Variants in SLC16A9 observed in about 807,000 individuals in gnomAD.
SLC16A9 encodes the protein solute carrier family 16 member 9, also known as monocarboxylate transporter 9.
A neutral mutation model predicts 44.3 loss-of-function variants in SLC16A9; 26 were observed. The ratio of observed to expected loss-of-function variants is 0.59; its 90% CI spans 0.43 to 0.81. The LOEUF is 0.81. SLC16A9 is among the 40% of genes least tolerant of loss of function. The pLI is 0.00. For synonymous variants in SLC16A9, 230 were observed against 225.1 expected (o/e 1.02, Z -0.19); for missense variants, 559 against 595.8 (o/e 0.94, Z 0.64).
intron 2 of SLC16A9, among the ~76,000 whole-genome samples, chr10:59,674,762 C>T (rs1170920394): frequency 6.6e-6 from 1 of 152,192 alleles, no homozygotes; most frequent in Non-Finnish European, 1.5e-5. Context: ...TTATTCCTGG[C>T]ATACTTGAAA....
intron 1 of SLC16A9, among the ~76,000 whole-genome samples, chr10:59,698,980 T>C (rs1344391676): frequency 6.6e-6 from 1 of 152,132 alleles, no homozygotes; most frequent in African/African-American, 2.4e-5. Context: ...CTGACCTCAG[T>C]TGATCTGTCT....
At position 59,694,817 on chromosome 10, in the gene SLC16A9, T is replaced by TAC. The variant is rs1554874046; in HGVS notation, c.-36-10492_-36-10491dup. On this transcript the variant is annotated intron_variant, in intron 1 of 5. Transcript: ENST00000395348. Reference sequence around the variant, plus strand: ...TCCATCTCAAATATATATATATATATACACACACACACACACATATATATA... The same window carrying TAC: ...TCCATCTCAAATATATATATATATATACACACACACACACACACATATATATA... 1.4e-3 allele frequency among the ~76,000 whole-genome samples: 65 copies of TAC among 47,714 alleles called. 6 individuals carry two copies. The highest frequency in any genetic ancestry group is 4.2e-3 in the African/African-American group (52 of 12,424). 31.3% of individuals were successfully genotyped at this position (47,714 alleles called of 152,430 possible). A position where few individuals can be genotyped will look rare whatever the true frequency, so the allele number is the denominator to read the frequency against.
chr10:59,676,159 A>G (rs985957800), intron 2 of SLC16A9, among the ~76,000 whole-genome samples: 3 of 152,208 alleles, frequency 2.0e-5, no homozygotes, highest in African/African-American at 4.8e-5. Context: ...AAAATTTATA[A>G]TCACTTGGTG....
rs558387037 is a variant in SLC16A9 at position 59,673,453 on chromosome 10, T to A, written c.197-540A>T. Among the ~76,000 whole-genome samples, 80 of 152,284 alleles carry A rather than the reference T, an allele frequency of 5.3e-4. 2 individuals carry two copies. The highest frequency in any genetic ancestry group is 1.9e-3 in the African/African-American group (78 of 41,550). On this transcript the variant is annotated intron_variant, in intron 2 of 5. Coordinates refer to ENST00000395348, the MANE Select transcript of SLC16A9 (RefSeq NM_194298.3). ...GGACTGTACTCAGAAGTACAGAACT[T>A]AATGTACTAGAAATAAAAGGACGTT...
intron 2 of SLC16A9, among the ~76,000 whole-genome samples, chr10:59,682,312 TCTGCTGTCACTAAATTTGCA>T (rs1840042464): frequency 6.6e-6 from 1 of 152,188 alleles, no homozygotes; most frequent in Non-Finnish European, 1.5e-5. Context: ...CTAAATTTGC[TCTGCTGTCACTAAATTTGCA>T]CTGGGGCCTG....
Position 59,651,598 on chromosome 10 carries a change from T to C in SLC16A9, c.*1174A>G, listed in dbSNP as rs1463760836. On this transcript the variant is annotated 3_prime_UTR_variant, in exon 6 of 6. Coordinates refer to ENST00000395348, the MANE Select transcript of SLC16A9 (RefSeq NM_194298.3). The stretch of plus-strand genomic sequence containing the variant: ...AAGATCTATAGGGAATTCTGATGCA[T>C]ACCAAAGTTTAAAACCCATTTCTTT... The C allele has an allele frequency of 2.6e-5, 4 of 152,176 alleles. No individual in the cohort carries two copies. The highest frequency in any genetic ancestry group is 4.4e-5 in the Non-Finnish European group (3 of 68,036). 9.4% of individuals were successfully genotyped at this position (152,176 alleles called of 1,614,324 possible). A position where few individuals can be genotyped will look rare whatever the true frequency, so the allele number is the denominator to read the frequency against.
Position 59,652,839 on chromosome 10 carries a change from G to T in SLC16A9, c.1463C>A (p.Thr488Lys), listed in dbSNP as rs1839237430. Residue 488 changes from threonine (T) to lysine (K), a missense_variant, in exon 6 of 6, where the codon ACA becomes AAA. By Grantham distance (78) the Thr-to-Lys change is moderately conservative. Transcript: ENST00000395348. ...LLLAALPSWD[T>K]CNKQLPKPAP... ...TGGCTTGGGGAGTTGCTTGTTGCAT[G>T]TATCCCAAGAGGGCAAGGCTGCCAG... 1 of 1,613,850 alleles carries T rather than the reference G, an allele frequency of 6.2e-7. No individual in the cohort carries two copies. Among genetic ancestry groups the T allele is most frequent in the African/African-American group, 1.3e-5 (1 of 74,906 alleles).
intron 1 of SLC16A9, among the ~76,000 whole-genome samples, chr10:59,708,980 A>G (rs1840704544): frequency 6.6e-6 from 1 of 152,188 alleles, no homozygotes; most frequent in Non-Finnish European, 1.5e-5. Context: ...CGCTCCACGT[A>G]GGTCAGGAGT....
intron 4 of SLC16A9, 98 bp from the exon 5 acceptor site, chr10:59,654,687 T>A: frequency 1.1e-6 from 1 of 902,624 alleles, no homozygotes; most frequent in Non-Finnish European, 1.6e-6. Context: ...TACTGGCATT[T>A]ATATGTAACT....
At position 59,684,004 on chromosome 10, in the gene SLC16A9, G is replaced by T. The variant is rs899642994; in HGVS notation, c.196+92C>A. The stretch of plus-strand genomic sequence containing the variant: ...GAAAAGATATGTTATACTTTGAAAA[G>T]AAAGCCCTCTCTGCCTTGCACAATG... On this transcript the variant is annotated intron_variant, in intron 2 of 5. Transcript: ENST00000395348. 5.0e-6 allele frequency: 5 copies of T among 1,000,024 alleles called. No individual in the cohort carries two copies. In the East Asian group the frequency reaches 1.3e-4, roughly 25 times the overall value. The allele number at this position is 1,000,024 out of a possible 1,614,324, so 61.9% of individuals were successfully genotyped here.
At chr10:59,684,410 AG>A (rs1840088946) in intron 1 of SLC16A9, 83 bp from the exon 2 acceptor site, 7 of 615,206 alleles carry the variant, frequency 1.1e-5, no homozygotes, top group Non-Finnish European at 1.8e-5. Flanking sequence ...CTCCTCCTAA[AG>A]TGAAAAAAAA....
chr10:59,689,661 A>G lies in SLC16A9; in HGVS notation c.-36-5334T>C, dbSNP rs375359717. Among the ~76,000 whole-genome samples the G allele has an allele frequency of 6.6e-5, 10 of 152,318 alleles. No homozygotes were observed. In the East Asian group the frequency reaches 1.7e-3, roughly 27 times the overall value. On this transcript the variant is annotated intron_variant, in intron 1 of 5. Transcript: ENST00000395348. ...GTTTCTCCAACCTTCCACGTTTGTG[A>G]GCTAACCCAGTAAATTATTTTGTTA...
At chr10:59,667,151 A>AGTAT (rs1839638484) in intron 3 of SLC16A9, among the ~76,000 whole-genome samples, 1 of 152,260 alleles carries the variant, frequency 6.6e-6, no homozygotes, top group Non-Finnish European at 1.5e-5. Flanking sequence ...TTACTATAAC[A>AGTAT]GAGTATGAAA....
intron 4 of SLC16A9, among the ~76,000 whole-genome samples, chr10:59,659,876 T>C (rs1175945137): frequency 6.6e-6 from 1 of 152,154 alleles, no homozygotes; most frequent in Non-Finnish European, 1.5e-5. Flanking sequence ...ACATAGAAAC[T>C]GAACAACCTG....
chr10:59,693,393 G>A (rs1238027213), intron 1 of SLC16A9, among the ~76,000 whole-genome samples: 1 of 151,610 alleles, frequency 6.6e-6, no homozygotes, highest in Non-Finnish European at 1.5e-5. Context: ...CTCTTCTAAA[G>A]TCAAAAAAAT....
chr10:59,697,746 A>T (rs189995626), intron 1 of SLC16A9, among the ~76,000 whole-genome samples: 1,669 of 150,502 alleles, frequency 0.011, 56 homozygotes, highest in African/African-American at 0.037. Flanking sequence ...AATAAAATAA[A>T]AAATAAATAA....
At chr10:59,693,299 C>T (rs1370063555) in intron 1 of SLC16A9, among the ~76,000 whole-genome samples, 1 of 152,182 alleles carries the variant, frequency 6.6e-6, no homozygotes, top group African/African-American at 2.4e-5. Flanking sequence ...CATGTTAACA[C>T]TAACGTAAGT....
intron 4 of SLC16A9, 39 bp downstream of exon 4, chr10:59,664,188 C>T: frequency 1.4e-6 from 2 of 1,431,898 alleles, no homozygotes; most frequent in Non-Finnish European, 1.9e-6. Context: ...GTTTAGAAGA[C>T]TGAATGGTGA....
rs756579646 is a variant in SLC16A9 at position 59,654,006 on chromosome 10, CTCT to C, written c.1017_1019del (p.Glu340del). 2.0e-5 allele frequency: 33 copies of C among 1,613,770 alleles called. No individual in the cohort carries two copies. The highest frequency in any genetic ancestry group is 3.3e-4 in the Middle Eastern group (2 of 6,084). ...TAATGGAAATAAGTGGCATAATAAA[CTCT>C]TCTTCTTTCACGTTTGAACTTCTTG... On this transcript the variant is annotated inframe_deletion, in exon 5 of 6. Coordinates refer to ENST00000395348, the MANE Select transcript of SLC16A9 (RefSeq NM_194298.3).
Sources: gnomAD v4.1 joint callset for allele counts (sites outside exome capture counted in the v4.1 genomes callset) on GRCh38, gnomAD v4.1.1 for gene constraint, MANE v1.5 for transcripts, NCBI Gene and HGNC (gene_info 2026-07-23, HGNC 2026-07-21) for gene names.